The following STAG1 variants were observed in gnomAD, a reference collection of about 807,000 sequenced individuals.
STAG1 encodes STAG1 cohesin complex component, also known as cohesin subunit SA-1.
A neutral mutation model predicts 170.9 loss-of-function variants in STAG1; 26 were observed. The ratio of observed to expected loss-of-function variants is 0.15; its 90% CI spans 0.11 to 0.21. The LOEUF is 0.21. Among genes scored for constraint, STAG1 ranks in the 10% least tolerant of loss-of-function variants. STAG1 has a pLI of 1.00. For synonymous variants in STAG1, 514 were observed against 497.7 expected (o/e 1.03, Z -0.44); for missense variants, 964 against 1,509.5 (o/e 0.64, Z 5.99).
chr3:136,718,867 C>T (rs983003599), intron 1 of STAG1, among the ~76,000 whole-genome samples: 1 of 151,906 alleles, frequency 6.6e-6, no homozygotes, highest in African/African-American at 2.4e-5. Context: ...ACGGAGGTTG[C>T]GGTGAGCCAA....
chr3:136,356,171 G>T lies in STAG1; in HGVS notation c.3065+1549C>A, dbSNP rs576708737. On this transcript the variant is annotated intron_variant, in intron 28 of 33. Transcript: ENST00000383202. Reference sequence around the variant, plus strand: ...TCCGGAATAGCTGGGATTCCAGGTCGGAACCACTGAGCCTGGCCATCTGCC... The same window carrying T: ...TCCGGAATAGCTGGGATTCCAGGTCTGAACCACTGAGCCTGGCCATCTGCC... 3.3e-5 allele frequency among the ~76,000 whole-genome samples: 5 copies of T among 151,436 alleles called. No homozygotes were observed. The East Asian group carries it at 9.7e-4, about 29-fold the overall frequency.
intron 1 of STAG1, among the ~76,000 whole-genome samples, chr3:136,743,563 T>C (rs546097823): frequency 1.3e-5 from 2 of 152,010 alleles, no homozygotes; most frequent in Non-Finnish European, 2.9e-5. Context: ...AAAATTTGAA[T>C]AGCCCTATAT....
intron 1 of STAG1, among the ~76,000 whole-genome samples, chr3:136,708,135 C>T (rs1215580119): frequency 6.6e-6 from 1 of 152,110 alleles, no homozygotes; most frequent in African/African-American, 2.4e-5. Context: ...CCAGAAATTC[C>T]ACTTCTAGGT....
At chr3:136,668,436 A>ATTATAT (rs1026062449) in intron 1 of STAG1, among the ~76,000 whole-genome samples, 2 of 146,732 alleles carry the variant, frequency 1.4e-5, no homozygotes, top group South Asian at 2.1e-4. Flanking sequence ...ACATTTATAT[A>ATTATAT]TTATATTTAT....
chr3:136,715,109 T>A (rs1943503104), intron 1 of STAG1, among the ~76,000 whole-genome samples: 2 of 145,778 alleles, frequency 1.4e-5, no homozygotes, highest in African/African-American at 5.0e-5. Flanking sequence ...GTAAGAGAGT[T>A]CGGTGGTGCT....
At chr3:136,360,804 G>A (rs1315649741) in intron 26 of STAG1, among the ~76,000 whole-genome samples, 1 of 151,984 alleles carries the variant, frequency 6.6e-6, no homozygotes, top group Non-Finnish European at 1.5e-5. Flanking sequence ...GAGTAGCTGG[G>A]GCTACAGGCG....
At chr3:136,747,093 TAAAAAAAAAAAAAAAAAAA>T (rs71134408) in intron 1 of STAG1, among the ~76,000 whole-genome samples, 1 of 59,338 alleles carries the variant, frequency 1.7e-5, no homozygotes, top group Non-Finnish European at 2.9e-5. Context: ...TGAAACTGTC[TAAAAAAAAAAAAAAAAAAA>T]AAAAAAAAAA....
chr3:136,606,185 T>C (rs778513894), intron 3 of STAG1, among the ~76,000 whole-genome samples: 46 of 152,126 alleles, frequency 3.0e-4, no homozygotes, highest in Non-Finnish European at 4.9e-4. Flanking sequence ...GCCCATACTT[T>C]CTTTGAATTT....
chr3:136,451,552 C>A (rs1179017580), intron 14 of STAG1, among the ~76,000 whole-genome samples: 1 of 152,078 alleles, frequency 6.6e-6, no homozygotes, highest in Non-Finnish European at 1.5e-5. Context: ...TGACCTAAGT[C>A]AGGAGTTCAA....
chr3:136,376,509 C>G (rs1279082995), intron 23 of STAG1, among the ~76,000 whole-genome samples: 1 of 152,104 alleles, frequency 6.6e-6, no homozygotes, highest in East Asian at 1.9e-4. Context: ...TATAGGGACT[C>G]AGAAACTCCT....
chr3:136,563,319 A>G (rs1233390474), intron 5 of STAG1, among the ~76,000 whole-genome samples: 1 of 152,138 alleles, frequency 6.6e-6, no homozygotes, highest in African/African-American at 2.4e-5. Context: ...TGTGGTTGTT[A>G]TTATGGTGTA....
rs1933123563 is a variant in STAG1, at chr3:136,719,853, G to A, written c.-84+32342C>T. On this transcript the variant is annotated intron_variant, in intron 1 of 33. Coordinates refer to ENST00000383202, the MANE Select transcript of STAG1 (RefSeq NM_005862.3). ...TATATATCTCACTCAACTTTGTAAG[G>A]ATAAATCCAATCCACAAGTGGCTCT... Among the ~76,000 whole-genome samples the A allele has an allele frequency of 7.9e-5, 12 of 152,210 alleles. No homozygotes were observed. In the South Asian group the frequency reaches 2.5e-3, roughly 32 times the overall value.
intron 23 of STAG1, among the ~76,000 whole-genome samples, chr3:136,370,814 T>C (rs1937292290): frequency 6.6e-6 from 1 of 152,234 alleles, no homozygotes; most frequent in African/African-American, 2.4e-5. Context: ...AGTGCCGCAA[T>C]AAACATACGT....
chr3:136,448,625 C>G (rs562917336), intron 14 of STAG1, among the ~76,000 whole-genome samples: 2 of 152,244 alleles, frequency 1.3e-5, no homozygotes, highest in African/African-American at 4.8e-5. Flanking sequence ...CAAACCATAT[C>G]AGTCTGTAAC....
intron 15 of STAG1, among the ~76,000 whole-genome samples, chr3:136,435,632 T>C (rs961106082): frequency 2.6e-5 from 4 of 152,158 alleles, no homozygotes; most frequent in African/African-American, 9.7e-5. Context: ...ATTAAAACTA[T>C]GGTTTCCTTC....
chr3:136,477,681 G>C (rs2089788486), intron 9 of STAG1, among the ~76,000 whole-genome samples: 1 of 152,118 alleles, frequency 6.6e-6, no homozygotes, highest in Non-Finnish European at 1.5e-5. Context: ...GGAGCTTTCT[G>C]AGAGCCTCAC....
At chr3:136,486,999 C>CAAAAAAAA (rs536392595) in intron 9 of STAG1, among the ~76,000 whole-genome samples, 11 of 54,662 alleles carry the variant, frequency 2.0e-4, no homozygotes, top group African/African-American at 1.0e-3. Context: ...TTTATTTCTT[C>CAAAAAAAA]AAAAAAAAAA....
chr3:136,390,197 A>G (rs1334989524), intron 22 of STAG1, among the ~76,000 whole-genome samples: 1 of 152,176 alleles, frequency 6.6e-6, no homozygotes, highest in South Asian at 2.1e-4. Flanking sequence ...GGGACTCAGG[A>G]ACAGGGCTGC....
At position 136,607,655 on chromosome 3, in the gene STAG1, G is replaced by A. The variant is rs372645699; in HGVS notation, c.133-3182C>T. Among the ~76,000 whole-genome samples, 287 of 152,176 alleles carry A rather than the reference G, an allele frequency of 1.9e-3. 1 individual carries two copies. Among genetic ancestry groups the A allele is most frequent in the Admixed American group, 4.3e-3 (66 of 15,292 alleles). Reference sequence around the variant, plus strand: ...TGATCTCAAGTGATCCACCCACCTCGGTCTCCCAAAGTGCTAGGATTACAG... The same window carrying A: ...TGATCTCAAGTGATCCACCCACCTCAGTCTCCCAAAGTGCTAGGATTACAG... On this transcript the variant is annotated intron_variant, in intron 3 of 33. Coordinates refer to ENST00000383202, the MANE Select transcript of STAG1 (RefSeq NM_005862.3).
Sources: allele counts gnomAD v4.1 joint callset (sites outside exome capture counted in the v4.1 genomes callset), GRCh38; gene constraint gnomAD v4.1.1; transcripts MANE v1.5; gene names NCBI Gene and HGNC (gene_info 2026-07-23, HGNC 2026-07-21).